The following IGSF11 variants were observed in gnomAD, a reference collection of about 807,000 sequenced individuals.
The protein encoded by IGSF11 is immunoglobulin superfamily member 11.
IGSF11 carries 22 observed loss-of-function variants against 41.0 expected under a neutral mutation model. The ratio of observed to expected loss-of-function variants is 0.54; its 90% CI spans 0.38 to 0.77. The LOEUF (loss-of-function observed/expected upper bound fraction) is 0.77, where lower values mean the gene tolerates loss of function less well. Among genes scored for constraint, IGSF11 ranks in the 30% least tolerant of loss-of-function variants. IGSF11 has a pLI of 0.00. For missense variants in IGSF11, 444 were observed against 530.8 expected (o/e 0.84, Z 1.61); for synonymous variants, 219 against 201.3 (o/e 1.09, Z -0.74).
intron 1 of IGSF11, among the ~76,000 whole-genome samples, chr3:119,091,017 C>G (rs903490211): frequency 1.3e-5 from 2 of 152,064 alleles, no homozygotes; most frequent in African/African-American, 4.8e-5. Flanking sequence ...AAGGAAAAAA[C>G]AAATAACCCT....
At chr3:119,018,897 T>G (rs1171930347) in intron 1 of IGSF11, among the ~76,000 whole-genome samples, 1 of 152,230 alleles carries the variant, frequency 6.6e-6, no homozygotes, top group African/African-American at 2.4e-5. Flanking sequence ...TGACTTGGCT[T>G]GCCATCCTTT....
chr3:118,964,300 A>C (rs937933678), intron 1 of IGSF11, among the ~76,000 whole-genome samples: 1 of 152,196 alleles, frequency 6.6e-6, no homozygotes, highest in South Asian at 2.1e-4. Flanking sequence ...TTAAATCTGT[A>C]TATGTGTACT....
chr3:119,035,404 G>A (rs1940847900), upstream of IGSF11, among the ~76,000 whole-genome samples: 1 of 152,128 alleles, frequency 6.6e-6, no homozygotes, highest in African/African-American at 2.4e-5. Context: ...TTTCTTCCTT[G>A]AAAAGTGGAT....
In IGSF11 at chr3:119,034,720, G is replaced by C. The variant is rs2107741424; in HGVS notation, c.-138C>G. 20 of 1,367,698 alleles carry C rather than the reference G, an allele frequency of 1.5e-5. 1 individual carries two copies. The South Asian group carries it at 3.0e-4, about 20-fold the overall frequency. The allele number at this position is 1,367,698 out of a possible 1,614,324, so 84.7% of individuals were successfully genotyped here. The stretch of plus-strand genomic sequence containing the variant: ...GCCGGGCCGCTGTTCCCCGCGCAGA[G>C]CTGGGACTGTCAGACCCACAGACGA... On this transcript the variant is annotated 5_prime_UTR_variant, in exon 1 of 7. Coordinates refer to ENST00000393775, the MANE Select transcript of IGSF11 (RefSeq NM_001015887.3).
At chr3:118,954,179 T>C (rs1944791565) in intron 1 of IGSF11, among the ~76,000 whole-genome samples, 1 of 152,184 alleles carries the variant, frequency 6.6e-6, no homozygotes, top group African/African-American at 2.4e-5. Flanking sequence ...ACTTACTTTA[T>C]CTTTTTCTTT....
rs577939819 is a variant in IGSF11, at chr3:119,026,355, G to A, written c.52+8176C>T. Among the ~76,000 whole-genome samples the A allele has an allele frequency of 3.9e-5, 6 of 152,138 alleles. No individual in the cohort carries two copies. The East Asian group carries it at 7.7e-4, about 20-fold the overall frequency. On this transcript the variant is annotated intron_variant, in intron 1 of 6. Coordinates refer to ENST00000393775, the MANE Select transcript of IGSF11 (RefSeq NM_001015887.3). ...AAAAGAGAATCTAACATTCTATTAC[G>A]GATACCAGCATTTCAAGTACAGTCC...
At chr3:119,043,474 T>C (rs1941200008) in intron 1 of IGSF11, among the ~76,000 whole-genome samples, 1 of 152,150 alleles carries the variant, frequency 6.6e-6, no homozygotes, top group Non-Finnish European at 1.5e-5. Context: ...TAGTCATGTC[T>C]CTCACAACCA....
chr3:119,105,320 A>G, upstream of IGSF11: 1 of 604,558 alleles, frequency 1.7e-6, no homozygotes, highest in East Asian at 2.9e-5. Flanking sequence ...TGGGTACAGG[A>G]TTTGGAGCCA....
At chr3:119,085,009 G>A (rs1471790155) in intron 1 of IGSF11, among the ~76,000 whole-genome samples, 1 of 152,180 alleles carries the variant, frequency 6.6e-6, no homozygotes. Context: ...TGTCCAATAA[G>A]GGTGTGGCCT....
intron 1 of IGSF11, among the ~76,000 whole-genome samples, chr3:118,936,755 G>A (rs1252987537): frequency 6.6e-6 from 1 of 152,116 alleles, no homozygotes; most frequent in Admixed American, 6.5e-5. Context: ...TTAGACTCCT[G>A]TTTCCCAAGA....
At chr3:118,962,068 C>T (rs753742846) in intron 1 of IGSF11, among the ~76,000 whole-genome samples, 1 of 152,180 alleles carries the variant, frequency 6.6e-6, no homozygotes, top group Non-Finnish European at 1.5e-5. Context: ...GAGCTCATTT[C>T]AGGTGTAGTT....
intron 1 of IGSF11, among the ~76,000 whole-genome samples, chr3:119,018,603 T>TC (rs1164599043): frequency 6.6e-6 from 1 of 152,270 alleles, no homozygotes; most frequent in Non-Finnish European, 1.5e-5. Context: ...TGGAATTCAT[T>TC]CTGCTCTACA....
At chr3:118,979,000 C>T in intron 1 of IGSF11, among the ~76,000 whole-genome samples, 1 of 152,086 alleles carries the variant, frequency 6.6e-6, no homozygotes, top group Non-Finnish European at 1.5e-5. Context: ...GAAAACCTCC[C>T]TGAGCTATAA....
At chr3:119,001,159 C>A (rs1936791118) in intron 1 of IGSF11, among the ~76,000 whole-genome samples, 2 of 151,532 alleles carry the variant, frequency 1.3e-5, no homozygotes. Context: ...TCAATTGGCA[C>A]TTAGTCATTT....
chr3:119,002,330 T>C (rs1194783276), intron 1 of IGSF11, among the ~76,000 whole-genome samples: 1 of 151,104 alleles, frequency 6.6e-6, no homozygotes, highest in African/African-American at 2.5e-5. Flanking sequence ...TTTGTTTTTT[T>C]CTTGTAAATT....
At chr3:119,112,290 G>A (rs909944761) in intron 1 of IGSF11, among the ~76,000 whole-genome samples, 1 of 152,138 alleles carries the variant, frequency 6.6e-6, no homozygotes, top group Non-Finnish European at 1.5e-5. Flanking sequence ...AAGCAAGCCT[G>A]GGCAATGGTG....
At chr3:119,013,245 C>G (rs1361034534) in intron 1 of IGSF11, 1 of 152,252 alleles carries the variant, frequency 6.6e-6, no homozygotes, top group Non-Finnish European at 1.5e-5. Context: ...CCTCATCTTG[C>G]AAGACTTCCT....
At chr3:119,029,221 T>G (rs1254925175) in intron 1 of IGSF11, among the ~76,000 whole-genome samples, 2 of 97,786 alleles carry the variant, frequency 2.0e-5, no homozygotes, top group African/African-American at 4.7e-5. Flanking sequence ...GTAGACATGG[T>G]ACTGCCTTTT....
intron 1 of IGSF11, among the ~76,000 whole-genome samples, chr3:119,125,423 C>T (rs1387741159): frequency 6.6e-6 from 1 of 152,064 alleles, no homozygotes; most frequent in Non-Finnish European, 1.5e-5. Flanking sequence ...TTCAGATAGG[C>T]AGTGGAGTCA....
Sources: allele counts gnomAD v4.1 joint callset (sites outside exome capture counted in the v4.1 genomes callset), GRCh38; gene constraint gnomAD v4.1.1; transcripts MANE v1.5; gene names NCBI Gene and HGNC (gene_info 2026-07-23, HGNC 2026-07-21).